Variants in BCL9 observed in about 807,000 individuals in gnomAD.
BCL9 encodes B-cell CLL/lymphoma 9 protein.
Under a neutral mutation model 88.5 loss-of-function variants are expected in BCL9, and 25 were observed. The ratio of observed to expected loss-of-function variants is 0.28; its 90% CI spans 0.21 to 0.39. The LOEUF (loss-of-function observed/expected upper bound fraction) is 0.39, where lower values mean the gene tolerates loss of function less well. Among genes scored for constraint, BCL9 ranks in the 10% least tolerant of loss-of-function variants. The probability of loss-of-function intolerance (pLI) is 1.00; values close to 1 mark genes in which losing one functional copy is unlikely to be tolerated. For missense variants in BCL9, 1,817 were observed against 1,877.8 expected (o/e 0.97, Z 0.60); for synonymous variants, 711 against 673.3 (o/e 1.06, Z -0.87).
chr1:147,590,787 G>A (rs587754673), intron 1 of BCL9, among the ~76,000 whole-genome samples: 11 of 152,328 alleles, frequency 7.2e-5, no homozygotes, highest in Admixed American at 5.9e-4. Context: ...GTGCATGGAT[G>A]TATGAAGAGC....
At position 147,620,129 on chromosome 1, in the gene BCL9, G is replaced by C; in HGVS notation, c.1974G>C (p.Met658Ile). The C allele has an allele frequency of 6.2e-7, 1 of 1,614,184 alleles. No individual in the cohort carries two copies. The highest frequency in any genetic ancestry group is 1.1e-5 in the South Asian group (1 of 91,082). Residue 658 changes from methionine (M) to isoleucine (I), a missense_variant, in exon 8 of 10, where the codon ATG becomes ATC. Physicochemically the swap from Met to Ile is conservative, Grantham distance 10. This residue lies in a region of BCL9 where 1,228 missense variants were observed against 1,191.6 expected (regional missense o/e 1.03). Transcript: ENST00000234739. ...AAGGCATCAGGCCCAGCATGGAGAT[G>C]AACAGGATGATTCCAGGCTCCCAGC... is the stretch of plus-strand genomic sequence containing the variant. Reference protein sequence around the residue: ...AMEGIRPSMEMNRMIPGSQRH... With the variant: ...AMEGIRPSMEINRMIPGSQRH...
intron 1 of BCL9, among the ~76,000 whole-genome samples, chr1:147,579,054 C>T (rs782136444): frequency 4.6e-5 from 7 of 151,996 alleles, no homozygotes; most frequent in Admixed American, 6.6e-5. Context: ...TTAGTAGAGA[C>T]GGGGTTTTGC....
chr1:147,578,647 A>T (rs1321975710), intron 1 of BCL9, among the ~76,000 whole-genome samples: 5 of 152,166 alleles, frequency 3.3e-5, no homozygotes, highest in African/African-American at 1.2e-4. Context: ...ACAATTTCCT[A>T]CCCCTGGAAT....
At chr1:147,579,708 G>T (rs143841699) in intron 1 of BCL9, among the ~76,000 whole-genome samples, 1 of 152,308 alleles carries the variant, frequency 6.6e-6, no homozygotes, top group African/African-American at 2.4e-5. Context: ...TGAGAGCTGT[G>T]TGTGATATGG....
At chr1:147,572,991 G>A (rs1655950341) in intron 1 of BCL9, among the ~76,000 whole-genome samples, 1 of 152,204 alleles carries the variant, frequency 6.6e-6, no homozygotes, top group African/African-American at 2.4e-5. Context: ...ATCTATGTGT[G>A]TTTCTGTATG....
intron 1 of BCL9, among the ~76,000 whole-genome samples, chr1:147,551,046 G>A (rs1353682035): frequency 3.9e-5 from 6 of 152,164 alleles, no homozygotes; most frequent in Admixed American, 3.9e-4. Context: ...TAACAATCCT[G>A]AGGGACTTGT....
chr1:147,566,721 A>C (rs1194338089), intron 1 of BCL9, among the ~76,000 whole-genome samples: 1 of 151,248 alleles, frequency 6.6e-6, no homozygotes, highest in Non-Finnish European at 1.5e-5. Flanking sequence ...GCGCCACTGC[A>C]CTCCAGCCCT....
At chr1:147,590,473 CTCT>C (rs1237489659) in intron 1 of BCL9, among the ~76,000 whole-genome samples, 2 of 152,182 alleles carry the variant, frequency 1.3e-5, no homozygotes, top group Non-Finnish European at 2.9e-5. Context: ...TCTCTCTTCT[CTCT>C]TCTTCTGCCT....
intron 1 of BCL9, among the ~76,000 whole-genome samples, chr1:147,578,131 C>T (rs1436225642): frequency 6.6e-6 from 1 of 152,188 alleles, no homozygotes; most frequent in Non-Finnish European, 1.5e-5. Context: ...GTCTGCCTTT[C>T]TCCTGCTGGC....
intron 1 of BCL9, among the ~76,000 whole-genome samples, chr1:147,554,110 G>C (rs1043165720): frequency 6.6e-6 from 1 of 152,120 alleles, no homozygotes; most frequent in Non-Finnish European, 1.5e-5. Context: ...TTTGAGAATG[G>C]GATAAAGAAT....
chr1:147,619,084 A>G lies in BCL9; in HGVS notation c.929A>G (p.Asn310Ser), dbSNP rs896090100. ...GGTACTGGGCCCAACTCAACTCCCA[A>G]CAATAGGGCAGTGACCCCTGTCTCC... ...PDGTGPNSTP[N>S]NRAVTPVSQG... Residue 310 changes from asparagine to serine, a missense_variant, in exon 8 of 10, where the codon AAC becomes AGC. By Grantham distance (46) the Asn-to-Ser change is conservative. Coordinates refer to ENST00000234739, the MANE Select transcript of BCL9 (RefSeq NM_004326.4). This position sits in a 1 kb window ranked among gnomAD's most constrained non-coding sequence, Gnocchi z 4.1. 1 of 1,613,560 alleles carries G rather than the reference A, an allele frequency of 6.2e-7. No individual in the cohort carries two copies. The highest frequency in any genetic ancestry group is 8.5e-7 in the Non-Finnish European group (1 of 1,179,796).
rs781875058 is a variant in BCL9 at position 147,620,459 on chromosome 1, A to G, written c.2304A>G (p.Pro768=). Residue 768 remains proline (P), a synonymous_variant, in exon 8 of 10, where the codon CCA becomes CCG. Transcript: ENST00000234739. ...CTCAGCAGAAGATGGTGCCACTGCC[A>G]TTTGGTGAGCACCCCCAGCAGGAGT... ...LPAQQKMVPL[P]FGEHPQQEYG... The G allele has an allele frequency of 1.2e-6, 2 of 1,614,088 alleles. No homozygotes were observed. Among genetic ancestry groups the G allele is most frequent in the Non-Finnish European group, 1.7e-6 (2 of 1,179,998 alleles).
At chr1:147,587,024 T>TTCTCTCTC (rs386635270) in intron 1 of BCL9, among the ~76,000 whole-genome samples, 8 of 147,660 alleles carry the variant, frequency 5.4e-5, no homozygotes, top group African/African-American at 7.5e-5. Context: ...TTCTCTCTCT[T>TTCTCTCTC]TCTCTCTCTC....
intron 1 of BCL9, among the ~76,000 whole-genome samples, chr1:147,551,446 CTGAG>C (rs1433213929): frequency 6.6e-6 from 1 of 152,204 alleles, no homozygotes; most frequent in Non-Finnish European, 1.5e-5. Context: ...GTCTCTGACT[CTGAG>C]TGCCATGGTT....
intron 2 of BCL9, 90 bp downstream of exon 2, chr1:147,605,001 G>C (rs1206120472): frequency 6.6e-6 from 1 of 152,190 alleles, no homozygotes; most frequent in African/African-American, 2.4e-5. Flanking sequence ...CCTCTTGTAA[G>C]TTAAAACTAC....
chr1:147,546,863 A>T (rs1335035445), intron 1 of BCL9, among the ~76,000 whole-genome samples: 1 of 152,244 alleles, frequency 6.6e-6, no homozygotes, highest in East Asian at 1.9e-4. Flanking sequence ...ACACATGTGC[A>T]AGAGACCAAA....
chr1:147,582,834 G>T (rs1656428432), intron 1 of BCL9, among the ~76,000 whole-genome samples: 1 of 152,142 alleles, frequency 6.6e-6, no homozygotes, highest in Non-Finnish European at 1.5e-5. Context: ...TTTACAATCT[G>T]CCCTTTACAG....
At chr1:147,587,122 T>C (rs959836993) in intron 1 of BCL9, among the ~76,000 whole-genome samples, 1 of 151,962 alleles carries the variant, frequency 6.6e-6, no homozygotes, top group Non-Finnish European at 1.5e-5. Context: ...CATATGTCAC[T>C]TACTCCGTGC....
intron 1 of BCL9, among the ~76,000 whole-genome samples, chr1:147,568,516 G>A (rs1419641056): frequency 1.3e-5 from 2 of 149,254 alleles, no homozygotes; most frequent in African/African-American, 4.9e-5. Flanking sequence ...CATTTCACTT[G>A]GATCCAAACA....
Sources: gnomAD v4.1 joint callset for allele counts (sites outside exome capture counted in the v4.1 genomes callset) on GRCh38, gnomAD v4.1.1 for gene constraint, gnomAD v4.1.1 regional missense constraint, Gnocchi (gnomAD v3.1) non-coding constraint, MANE v1.5 for transcripts, NCBI Gene and HGNC (gene_info 2026-07-23, HGNC 2026-07-21) for gene names.